SCFD1: variants seen among roughly 807,000 people sequenced by gnomAD.
SCFD1 encodes sec1 family domain-containing protein 1.
SCFD1 carries 37 observed loss-of-function variants against 103.2 expected under a neutral mutation model. The ratio of observed to expected loss-of-function variants is 0.36; its 90% CI spans 0.28 to 0.47. SCFD1 has a LOEUF of 0.47. SCFD1 is among the 20% of genes least tolerant of loss of function. The probability of loss-of-function intolerance (pLI) is 1.00; values close to 1 mark genes in which losing one functional copy is unlikely to be tolerated. For missense variants in SCFD1, 639 were observed against 761.2 expected (o/e 0.84, Z 1.89); for synonymous variants, 264 against 245.0 (o/e 1.08, Z -0.73).
At chr14:30,706,027 C>T in intron 18 of SCFD1, 142 bp downstream of exon 18, 1 of 580,308 alleles carries the variant, frequency 1.7e-6, no homozygotes, top group South Asian at 2.5e-5. Context: ...CTGAAGTTCT[C>T]CTGGTTTTTT....
intron 20 of SCFD1, 28 bp downstream of exon 20, chr14:30,716,005 A>C (rs1892255064): frequency 7.5e-7 from 1 of 1,330,662 alleles, no homozygotes; most frequent in Non-Finnish European, 1.1e-6. Context: ...TATTTTGTGT[A>C]AATTCCCGAA....
At chr14:30,653,450 A>T (rs1886593275) in intron 9 of SCFD1, 39 bp from the exon 10 acceptor site, 7 of 1,286,004 alleles carry the variant, frequency 5.4e-6, no homozygotes, top group South Asian at 3.6e-5. Flanking sequence ...ATACACTGGT[A>T]TCAAGAGTTA....
At chr14:30,653,393 C>A in intron 9 of SCFD1, 96 bp from the exon 10 acceptor site, 1 of 752,174 alleles carries the variant, frequency 1.3e-6, no homozygotes, top group South Asian at 1.7e-5. Flanking sequence ...TACTATTATT[C>A]ATATCAAAAT....
intron 21 of SCFD1, among the ~76,000 whole-genome samples, chr14:30,720,211 TG>T (rs1892560289): frequency 1.3e-5 from 2 of 152,132 alleles, no homozygotes; most frequent in Non-Finnish European, 2.9e-5. Flanking sequence ...TCACCAAAAT[TG>T]CATAAGAACT....
chr14:30,719,077 C>G (rs1892474249), intron 20 of SCFD1, among the ~76,000 whole-genome samples: 1 of 152,054 alleles, frequency 6.6e-6, no homozygotes, highest in African/African-American at 2.4e-5. Context: ...CTTTTCTCTA[C>G]CCCAGACTGT....
intron 19 of SCFD1, among the ~76,000 whole-genome samples, chr14:30,708,273 G>A (rs902506396): frequency 1.4e-4 from 21 of 151,980 alleles, no homozygotes; most frequent in Admixed American, 1.2e-3. Flanking sequence ...GTGGTTTGCT[G>A]CACAGATCAG....
At position 30,638,157 on chromosome 14, in the gene SCFD1, T is replaced by C. The variant is rs150610602; in HGVS notation, c.345T>C (p.Tyr115=). ...DLRNQLYESY[Y]LNFISAISRS... ...GAAATCAACTATATGAATCATATTA[T>C]TTAAATTTTATTTCTGCTATTTCAA... Residue 115 remains tyrosine (Y), a synonymous_variant, in exon 5 of 25, where the codon TAT becomes TAC. Coordinates refer to ENST00000458591, the MANE Select transcript of SCFD1 (RefSeq NM_016106.4). The C allele has an allele frequency of 1.9e-6, 3 of 1,611,286 alleles. No individual in the cohort carries two copies. Among genetic ancestry groups the C allele is most frequent in the Non-Finnish European group, 2.5e-6 (3 of 1,178,708 alleles).
intron 6 of SCFD1, among the ~76,000 whole-genome samples, chr14:30,642,603 A>G (rs558070731): frequency 2.4e-4 from 36 of 152,286 alleles, no homozygotes; most frequent in Admixed American, 1.4e-3. Flanking sequence ...ATGATATGCA[A>G]TGTTGGTTGT....
In SCFD1 at chr14:30,648,454, A is replaced by G. The variant is rs571990976; in HGVS notation, c.614-1074A>G. On this transcript the variant is annotated intron_variant, in intron 7 of 24. Transcript: ENST00000458591. Reference sequence around the variant, plus strand: ...AACCTATATGAATAATGTGTTTTCTATTATTTAAATTGGTATTTTTAAAAA... The same window carrying G: ...AACCTATATGAATAATGTGTTTTCTGTTATTTAAATTGGTATTTTTAAAAA... Among the ~76,000 whole-genome samples, 201 of 152,306 alleles carry G rather than the reference A, an allele frequency of 1.3e-3. 2 individuals are homozygous for G. Among genetic ancestry groups the G allele is most frequent in the African/African-American group, 4.7e-3 (195 of 41,568 alleles).
rs34924508 is a variant in SCFD1, at chr14:30,675,262, G to T, written c.1242+197G>T. On this transcript the variant is annotated intron_variant, in intron 14 of 24. Transcript: ENST00000458591. Reference sequence around the variant, plus strand: ...ATCCAGAAAGATAAGTGATTTCCAAGGTCACATGTTTAGTAAATAGAAGTG... The same window carrying T: ...ATCCAGAAAGATAAGTGATTTCCAATGTCACATGTTTAGTAAATAGAAGTG... 402 of 388,226 alleles carry T rather than the reference G, an allele frequency of 1.0e-3. 1 individual carries two copies. Among genetic ancestry groups the T allele is most frequent in the Admixed American group, 4.6e-3 (100 of 21,820 alleles). The allele number at this position is 388,226 out of a possible 1,614,324, so 24.0% of individuals were successfully genotyped here.
chr14:30,633,977 A>G lies in SCFD1; in HGVS notation c.252A>G (p.Pro84=). 1 of 1,604,598 alleles carries G rather than the reference A, an allele frequency of 6.2e-7. No homozygotes were observed. Among genetic ancestry groups the G allele is most frequent in the South Asian group, 1.1e-5 (1 of 89,970 alleles). The change falls in exon 4 of 25, where the codon CCA becomes CCG. Residue 84 remains proline, a synonymous_variant. Coordinates refer to ENST00000458591, the MANE Select transcript of SCFD1 (RefSeq NM_016106.4). ...LLLHSDRDPI[P]DVPAVYFVMP... ...TACACTCTGATCGAGATCCTATTCC[A>G]GATGTTCCTGCAGTATACTTTGTAA... is the stretch of plus-strand genomic sequence containing the variant.
Position 30,705,941 on chromosome 14 carries a change from T to C in SCFD1, c.1553+56T>C, listed in dbSNP as rs978718627. On this transcript the variant is annotated intron_variant, in intron 18 of 24. Transcript: ENST00000458591. ...TTGTACTCAAAACCTTACTTAGACT[T>C]TCATGCCTTAAAAACACAATGTCTG... The C allele has an allele frequency of 5.0e-6, 7 of 1,387,716 alleles. No homozygotes were observed. In the African/African-American group the frequency reaches 1.0e-4, roughly 20 times the overall value. 86.0% of individuals were successfully genotyped at this position (1,387,716 alleles called of 1,614,324 possible).
At chr14:30,649,604 C>G in intron 8 of SCFD1, 21 bp downstream of exon 8, 2 of 1,543,750 alleles carry the variant, frequency 1.3e-6, no homozygotes, top group Non-Finnish European at 1.7e-6. Flanking sequence ...GCGGATATCA[C>G]GTGGAGATAA....
chr14:30,707,676 A>G, intron 18 of SCFD1: 1 of 344,588 alleles, frequency 2.9e-6, no homozygotes, highest in Non-Finnish European at 5.6e-6. Context: ...TTCAAATTAT[A>G]ACTCGCAAAA....
At chr14:30,629,501 G>T (rs1210097706) in intron 2 of SCFD1, among the ~76,000 whole-genome samples, 4 of 151,266 alleles carry the variant, frequency 2.6e-5, no homozygotes, top group Non-Finnish European at 4.4e-5. Flanking sequence ...CCTCAAAGCT[G>T]TCTGTTTTAA....
chr14:30,626,974 G>A (rs1463707111), intron 1 of SCFD1, among the ~76,000 whole-genome samples: 4 of 152,202 alleles, frequency 2.6e-5, no homozygotes, highest in African/African-American at 9.7e-5. Flanking sequence ...GTATTACATA[G>A]TTCTCTCGTA....
rs771036736 is a variant in SCFD1, at chr14:30,634,086, T to G, written c.312+49T>G. 9 of 1,135,576 alleles carry G rather than the reference T, an allele frequency of 7.9e-6. No individual in the cohort carries two copies. The Admixed American group carries it at 2.0e-4, about 26-fold the overall frequency. The allele number at this position is 1,135,576 out of a possible 1,614,324, so 70.3% of individuals were successfully genotyped here. A position where few individuals can be genotyped will look rare whatever the true frequency, so the allele number is the denominator to read the frequency against. ...GACTCCTGAATTTGGAAATGGATTT[T>G]TTTTTCAAGAAAAATTCCTAGATGT... On this transcript the variant is annotated intron_variant, in intron 4 of 24. Transcript: ENST00000458591.
At chr14:30,622,482 C>G (rs1882942240) in intron 1 of SCFD1, 83 bp downstream of exon 1, 1 of 1,510,790 alleles carries the variant, frequency 6.6e-7, no homozygotes, top group East Asian at 2.5e-5. Context: ...GCTCAGAGAC[C>G]GATCTCCAGG....
intron 10 of SCFD1, among the ~76,000 whole-genome samples, chr14:30,658,988 A>G (rs184672003): frequency 6.6e-6 from 1 of 152,340 alleles, no homozygotes; most frequent in Admixed American, 6.5e-5. Context: ...GGAAGTGTCT[A>G]CTGAAGGTCT....
Sources: allele counts gnomAD v4.1 joint callset (sites outside exome capture counted in the v4.1 genomes callset), GRCh38; gene constraint gnomAD v4.1.1; transcripts MANE v1.5; gene names NCBI Gene and HGNC (gene_info 2026-07-23, HGNC 2026-07-21).